NDST3: variants seen among roughly 807,000 people sequenced by gnomAD.
NDST3 encodes the protein N-deacetylase and N-sulfotransferase 3.
NDST3 carries 58 observed loss-of-function variants against 96.1 expected under a neutral mutation model. The observed-to-expected ratio is 0.60, with a 90% CI of 0.49 to 0.75. The LOEUF (loss-of-function observed/expected upper bound fraction) is 0.75. NDST3 is among the 30% of genes least tolerant of loss of function. The pLI is 0.00. For synonymous variants in NDST3, 333 were observed against 359.7 expected (o/e 0.93, Z 0.84); for missense variants, 788 against 1,034.2 (o/e 0.76, Z 3.27).
rs545681973 is a variant in NDST3 at position 118,109,532 on chromosome 4, C to T, written c.1069+4427C>T. 2.0e-5 allele frequency among the ~76,000 whole-genome samples: 3 copies of T among 152,232 alleles called. No homozygotes were observed. In the East Asian group the frequency reaches 5.8e-4, roughly 29 times the overall value. On this transcript the variant is annotated intron_variant, in intron 3 of 13. Coordinates refer to ENST00000296499, the MANE Select transcript of NDST3 (RefSeq NM_004784.3). ...TCCCACAGCTCATAATAAGAGTATCCTCTCCCTAAGTGAGAGAAAGTACAA... is the reference window on the plus strand; with the variant it reads ...TCCCACAGCTCATAATAAGAGTATCTTCTCCCTAAGTGAGAGAAAGTACAA...
chr4:118,043,040 A>G (rs1343362681), intron 1 of NDST3, among the ~76,000 whole-genome samples: 1 of 152,236 alleles, frequency 6.6e-6, no homozygotes, highest in East Asian at 1.9e-4. Flanking sequence ...ATATCCTAAT[A>G]TACTTCCGTG....
At chr4:118,139,712 C>T (rs557317201) in intron 5 of NDST3, among the ~76,000 whole-genome samples, 3 of 152,284 alleles carry the variant, frequency 2.0e-5, no homozygotes, top group Middle Eastern at 3.4e-3. Flanking sequence ...ATCTTCCCTT[C>T]GAACCGGCTA....
At chr4:118,146,428 G>T (rs765690035) in intron 6 of NDST3, among the ~76,000 whole-genome samples, 7 of 152,004 alleles carry the variant, frequency 4.6e-5, no homozygotes, top group Non-Finnish European at 8.8e-5. Flanking sequence ...AATTAATGAG[G>T]GTTTTAAGTT....
At chr4:118,226,009 A>C (rs1233577179) in intron 7 of NDST3, among the ~76,000 whole-genome samples, 1 of 151,954 alleles carries the variant, frequency 6.6e-6, no homozygotes, top group Non-Finnish European at 1.5e-5. Flanking sequence ...TTTTTTCAGA[A>C]GAACAGCCAA....
In NDST3 at chr4:118,255,679, C is replaced by T. The variant is rs757297201; in HGVS notation, c.2589C>T (p.Ser863=). 5 of 1,613,594 alleles carry T rather than the reference C, an allele frequency of 3.1e-6. No homozygotes were observed. The highest frequency in any genetic ancestry group is 2.2e-5 in the South Asian group (2 of 90,962). The change falls in exon 14 of 14, where the codon TCC becomes TCT. Residue 863 remains serine, a synonymous_variant. Transcript: ENST00000296499. ...ACAAACTGGGTCAGCCTCTGCCATC[C>T]TGGCTGAGACAGGAGCTGCAGAAAG... The part of the protein sequence containing the change: ...LLHKLGQPLP[S]WLRQELQKVR
At chr4:118,056,451 A>T (rs1326974605) in intron 2 of NDST3, among the ~76,000 whole-genome samples, 3 of 152,006 alleles carry the variant, frequency 2.0e-5, no homozygotes, top group African/African-American at 7.2e-5. Flanking sequence ...AGATAGAAAT[A>T]TATTTTCTAA....
chr4:118,048,483 A>G (rs1724893605), intron 1 of NDST3, among the ~76,000 whole-genome samples: 1 of 152,168 alleles, frequency 6.6e-6, no homozygotes, highest in Non-Finnish European at 1.5e-5. Flanking sequence ...CATGAGACCA[A>G]TTTCACATGT....
chr4:118,087,394 A>T (rs1456858121), intron 2 of NDST3, among the ~76,000 whole-genome samples: 10 of 152,152 alleles, frequency 6.6e-5, no homozygotes, highest in Admixed American at 3.3e-4. Context: ...TGATAAAAAG[A>T]ATCCTGGAAG....
At chr4:118,069,624 G>A (rs914982854) in intron 2 of NDST3, among the ~76,000 whole-genome samples, 24 of 151,906 alleles carry the variant, frequency 1.6e-4, no homozygotes, top group Non-Finnish European at 2.5e-4. Flanking sequence ...CTCTCTACAC[G>A]CTGGATTTAG....
At position 118,066,258 on chromosome 4, in the gene NDST3, ATATATATTATATATAT is replaced by A. The variant is rs1467504503; in HGVS notation, c.981+11391_981+11406del. Among the ~76,000 whole-genome samples the A allele has an allele frequency of 2.7e-3, 22 of 8,182 alleles. 6 individuals are homozygous for A. The highest frequency in any genetic ancestry group is 3.5e-3 in the African/African-American group (21 of 6,072). The allele number at this position is 8,182 out of a possible 152,430, so 5.4% of individuals were successfully genotyped here. The stretch of plus-strand genomic sequence containing the variant: ...TTATATATTATATATATTATATATT[ATATATATTATATATAT>A]TATATATTATATATATTATATATAT... On this transcript the variant is annotated intron_variant, in intron 2 of 13. Transcript: ENST00000296499.
chr4:118,150,432 C>T (rs886880298), intron 6 of NDST3, among the ~76,000 whole-genome samples: 2 of 152,106 alleles, frequency 1.3e-5, no homozygotes, highest in South Asian at 2.1e-4. Context: ...AAGAAACTAC[C>T]ATCAGAGTGA....
intron 13 of NDST3, among the ~76,000 whole-genome samples, chr4:118,254,099 G>T (rs933763893): frequency 2.6e-5 from 4 of 152,074 alleles, no homozygotes; most frequent in Non-Finnish European, 5.9e-5. Flanking sequence ...AAAAAGATTA[G>T]CTGGGCATGG....
intron 2 of NDST3, among the ~76,000 whole-genome samples, chr4:118,087,103 T>A (rs1233626109): frequency 6.6e-6 from 1 of 152,134 alleles, no homozygotes; most frequent in Admixed American, 6.5e-5. Context: ...TGGGTTTAAA[T>A]CTTCCATTTA....
chr4:118,206,936 C>T (rs746837982), intron 6 of NDST3, among the ~76,000 whole-genome samples: 1 of 143,142 alleles, frequency 7.0e-6, no homozygotes, highest in Non-Finnish European at 1.5e-5. Flanking sequence ...TTCATAATAG[C>T]ATAAAACCTT....
At chr4:118,161,406 C>G (rs142027354) in intron 6 of NDST3, among the ~76,000 whole-genome samples, 6,907 of 152,274 alleles carry the variant, frequency 0.045, 259 homozygotes, top group Non-Finnish European at 0.063. Context: ...TCAAAGCTGT[C>G]AGACAGGGAC....
intron 6 of NDST3, among the ~76,000 whole-genome samples, chr4:118,161,720 T>G (rs550118989): frequency 2.0e-5 from 3 of 152,112 alleles, no homozygotes; most frequent in Non-Finnish European, 2.9e-5. Context: ...TTTAAGCCCG[T>G]CGGAAAAGTG....
At chr4:118,034,436 A>ATGT (rs1171916638), upstream of NDST3, 1 of 152,084 alleles carries the variant, frequency 6.6e-6, no homozygotes, top group Non-Finnish European at 1.5e-5. Flanking sequence ...TATTAATAAG[A>ATGT]TGTTACATAA....
At chr4:118,127,403 T>C (rs1053990978) in intron 4 of NDST3, among the ~76,000 whole-genome samples, 3 of 152,112 alleles carry the variant, frequency 2.0e-5, no homozygotes, top group African/African-American at 4.8e-5. Context: ...TTAATTTTTC[T>C]GCATATGGAA....
chr4:118,114,906 C>T lies in NDST3; in HGVS notation c.1170C>T (p.Phe390=). ...GGAGCCATATGCAGCCCCACCTCTT[C>T]CACAATGAGTCATCTTTGGTGGAGC... ...HMWSHMQPHL[F]HNESSLVEQM... Residue 390 remains phenylalanine, a synonymous_variant, in exon 4 of 14, where the codon TTC becomes TTT. Coordinates refer to ENST00000296499, the MANE Select transcript of NDST3 (RefSeq NM_004784.3). The T allele has an allele frequency of 6.2e-7, 1 of 1,614,100 alleles. No individual in the cohort carries two copies. The highest frequency in any genetic ancestry group is 8.5e-7 in the Non-Finnish European group (1 of 1,179,994).
Sources: allele counts gnomAD v4.1 joint callset (sites outside exome capture counted in the v4.1 genomes callset), GRCh38; gene constraint gnomAD v4.1.1; transcripts MANE v1.5; gene names NCBI Gene and HGNC (gene_info 2026-07-23, HGNC 2026-07-21).